Variants in DLGAP2 observed in about 807,000 individuals in gnomAD.
DLGAP2 encodes the protein disks large-associated protein 2.
In DLGAP2, 26 loss-of-function variants were observed where a neutral mutation model predicts 100.3. That is an observed-to-expected ratio of 0.26 (90% confidence interval 0.19 to 0.36). The LOEUF is 0.36. Among genes scored for constraint, DLGAP2 ranks in the 10% least tolerant of loss-of-function variants. DLGAP2 has a pLI of 1.00. For missense variants in DLGAP2, 1,858 were observed against 1,453.2 expected, an observed-to-expected ratio of 1.28 and a Z score of -4.53; for synonymous variants, 886 against 630.1, an observed-to-expected ratio of 1.41 and a Z score of -6.08.
intron 1 of DLGAP2, chr8:891,425 A>T (rs1244220096): frequency 2.0e-5 from 3 of 152,412 alleles, no homozygotes; most frequent in East Asian, 3.9e-4. Context: ...AGACGAGGGG[A>T]TGCGCTCTCC....
intron 1 of DLGAP2, chr8:893,049 C>A (rs1404922481): frequency 6.6e-6 from 1 of 152,188 alleles, no homozygotes; most frequent in African/African-American, 2.4e-5. Flanking sequence ...CAGAGGAAAG[C>A]CCGGGGCTAA....
chr8:1,306,411 A>C (rs965727493), intron 3 of DLGAP2, among the ~76,000 whole-genome samples: 1 of 152,208 alleles, frequency 6.6e-6, no homozygotes, highest in Admixed American at 6.5e-5. Flanking sequence ...ACTGAAAACT[A>C]TAAAATGTTG....
At chr8:800,975 C>T (rs7836328) in intron 1 of DLGAP2, among the ~76,000 whole-genome samples, 2 of 151,700 alleles carry the variant, frequency 1.3e-5, no homozygotes, top group Non-Finnish European at 2.9e-5. Context: ...GGGTCCCCAT[C>T]CACCTGCCAC....
At chr8:1,138,789 C>A (rs1796468402) in intron 2 of DLGAP2, among the ~76,000 whole-genome samples, 1 of 151,348 alleles carries the variant, frequency 6.6e-6, no homozygotes, top group Non-Finnish European at 1.5e-5. Flanking sequence ...CTTGTCCTGA[C>A]CTGTGCAGCT....
At chr8:948,542 C>G (rs925196128) in intron 2 of DLGAP2, among the ~76,000 whole-genome samples, 1 of 152,230 alleles carries the variant, frequency 6.6e-6, no homozygotes, top group Non-Finnish European at 1.5e-5. Flanking sequence ...GCTCTGCTCC[C>G]TGAGCCCCAC....
intron 1 of DLGAP2, among the ~76,000 whole-genome samples, chr8:896,715 A>G (rs1798149818): frequency 6.6e-6 from 1 of 152,114 alleles, no homozygotes; most frequent in Non-Finnish European, 1.5e-5. Context: ...TGAGCCCGGA[A>G]GTGGGTCCTC....
At chr8:988,838 C>T (rs891367712) in intron 2 of DLGAP2, among the ~76,000 whole-genome samples, 8 of 152,222 alleles carry the variant, frequency 5.3e-5, no homozygotes, top group Admixed American at 5.2e-4. Context: ...TTTCCAAGCT[C>T]CACTGGTGGC....
chr8:1,322,326 T>C (rs1800920456), intron 3 of DLGAP2, among the ~76,000 whole-genome samples: 1 of 152,260 alleles, frequency 6.6e-6, no homozygotes, highest in African/African-American at 2.4e-5. Context: ...AAAATGTTCA[T>C]TCTTTACCAC....
At chr8:928,516 G>T (rs570867127) in intron 2 of DLGAP2, among the ~76,000 whole-genome samples, 2 of 152,156 alleles carry the variant, frequency 1.3e-5, no homozygotes, top group African/African-American at 4.8e-5. Context: ...TGACAACACG[G>T]GTGATGCTGG....
intron 3 of DLGAP2, among the ~76,000 whole-genome samples, chr8:1,313,477 A>C (rs1800658905): frequency 6.6e-6 from 1 of 152,056 alleles, no homozygotes; most frequent in South Asian, 2.1e-4. Context: ...TTAATTATGG[A>C]GAATGGTAAA....
intron 2 of DLGAP2, among the ~76,000 whole-genome samples, chr8:924,677 G>T (rs1442615775): frequency 6.6e-6 from 1 of 151,978 alleles, no homozygotes; most frequent in Non-Finnish European, 1.5e-5. Context: ...CCACCTCCTG[G>T]ATTCAAGGGA....
intron 1 of DLGAP2, among the ~76,000 whole-genome samples, chr8:787,459 C>T (rs1821900771): frequency 6.6e-6 from 1 of 152,248 alleles, no homozygotes; most frequent in Non-Finnish European, 1.5e-5. Flanking sequence ...CGCCCTTCTC[C>T]ACGCCTGTGC....
chr8:1,000,475 G>A (rs556700177), intron 2 of DLGAP2, among the ~76,000 whole-genome samples: 73 of 151,158 alleles, frequency 4.8e-4, no homozygotes, highest in African/African-American at 1.7e-3. Flanking sequence ...ATTTTCTCTA[G>A]AGCGGACAGA....
intron 2 of DLGAP2, among the ~76,000 whole-genome samples, chr8:1,152,648 G>A (rs1236653747): frequency 1.3e-5 from 2 of 152,164 alleles, no homozygotes; most frequent in Non-Finnish European, 2.9e-5. Flanking sequence ...TGCCTGCAGG[G>A]CCTCCTAGGA....
chr8:1,143,925 A>G (rs1004419368), intron 2 of DLGAP2, among the ~76,000 whole-genome samples: 2 of 152,218 alleles, frequency 1.3e-5, no homozygotes, highest in Non-Finnish European at 2.9e-5. Flanking sequence ...GACTAGATGC[A>G]CGTGTGTTAT....
intron 3 of DLGAP2, among the ~76,000 whole-genome samples, chr8:1,306,222 AT>A (rs1305677934): frequency 6.6e-6 from 1 of 152,140 alleles, no homozygotes; most frequent in Non-Finnish European, 1.5e-5. Context: ...ACACAAGGGT[AT>A]AAAAAAGGAT....
chr8:1,451,473 C>G (rs761054893), intron 3 of DLGAP2, among the ~76,000 whole-genome samples: 1 of 151,062 alleles, frequency 6.6e-6, no homozygotes, highest in African/African-American at 2.4e-5. Flanking sequence ...TGCCAGGGTC[C>G]CTGTCCCGCC....
intron 2 of DLGAP2, among the ~76,000 whole-genome samples, chr8:1,040,578 C>G (rs1467256100): frequency 3.6e-5 from 4 of 111,234 alleles, no homozygotes; most frequent in Admixed American, 1.0e-4. Flanking sequence ...GGCTCGGTTT[C>G]CGTGGTCGGC....
At chr8:1,023,855 ATATGTG>A (rs1346738312) in intron 2 of DLGAP2, among the ~76,000 whole-genome samples, 1 of 59,274 alleles carries the variant, frequency 1.7e-5, no homozygotes, top group Non-Finnish European at 4.1e-5. Context: ...CAAACTTTAT[ATATGTG>A]TGTGTGTGTG....
Sources: allele counts gnomAD v4.1 joint callset (sites outside exome capture counted in the v4.1 genomes callset), GRCh38; gene constraint gnomAD v4.1.1; transcripts MANE v1.5; gene names NCBI Gene and HGNC (gene_info 2026-07-23, HGNC 2026-07-21).